The following PCDHA9 variants were observed in gnomAD, a reference collection of about 807,000 sequenced individuals.
The protein encoded by PCDHA9 is protocadherin alpha-9.
A neutral mutation model predicts 62.0 loss-of-function variants in PCDHA9; 62 were observed. The ratio of observed to expected loss-of-function variants is 1.00; its 90% CI spans 0.81 to 1.23. The LOEUF (loss-of-function observed/expected upper bound fraction) is 1.23, where lower values mean the gene tolerates loss of function less well. Among genes scored for constraint, PCDHA9 ranks in the 50% most tolerant of loss-of-function variants. PCDHA9 has a pLI of 0.00. For missense variants in PCDHA9, 1,205 were observed against 1,249.8 expected (o/e 0.96, Z 0.54); for synonymous variants, 557 against 567.6 (o/e 0.98, Z 0.27).
At chr5:140,901,982 A>G (rs1250710466) in intron 1 of PCDHA9, among the ~76,000 whole-genome samples, 2 of 151,818 alleles carry the variant, frequency 1.3e-5, no homozygotes, top group Non-Finnish European at 1.5e-5. Flanking sequence ...TTACTTTTTA[A>G]TTTCATTTTC....
chr5:140,871,692 C>T, intron 1 of PCDHA9: 1 of 997,192 alleles, frequency 1.0e-6, no homozygotes, highest in Non-Finnish European at 1.4e-6. Flanking sequence ...AATCTGGCTT[C>T]TTTAACCAAT....
intron 1 of PCDHA9, 174 bp downstream of exon 1, chr5:140,851,063 G>A (rs1192104512): frequency 7.3e-7 from 1 of 1,372,672 alleles, no homozygotes; most frequent in Non-Finnish European, 9.6e-7. Context: ...TTGACTTCTA[G>A]TGAGAATTAT....
intron 1 of PCDHA9, chr5:140,859,596 AT>A (rs1554152518): frequency 6.1e-6 from 1 of 164,060 alleles, no homozygotes; most frequent in Non-Finnish European, 1.3e-5. Flanking sequence ...GCTCTTAGCA[AT>A]TACTTTTTTC....
rs1554174004 is a variant in PCDHA9, at chr5:140,882,408, G to C, written c.2394+31519G>C. On this transcript the variant is annotated intron_variant, in intron 1 of 3. Coordinates refer to ENST00000532602, the MANE Select transcript of PCDHA9 (RefSeq NM_031857.2). Reference sequence around the variant, plus strand: ...GCAAAACACGGCACCTTCGTGGGCCGCATCGCTCAGGACCTGGGGCTGGAG... The same window carrying C: ...GCAAAACACGGCACCTTCGTGGGCCCCATCGCTCAGGACCTGGGGCTGGAG... The C allele has an allele frequency of 3.1e-6, 5 of 1,614,138 alleles. No homozygotes were observed. The highest frequency in any genetic ancestry group is 3.3e-5 in the Admixed American group (2 of 60,036).
chr5:140,985,202 G>A (rs1554246846), intron 3 of PCDHA9, among the ~76,000 whole-genome samples: 1 of 152,204 alleles, frequency 6.6e-6, no homozygotes, highest in Non-Finnish European at 1.5e-5. Flanking sequence ...CTCCCAAAGT[G>A]TTGGGATTAC....
chr5:140,951,603 T>G (rs1056623799), intron 1 of PCDHA9, among the ~76,000 whole-genome samples: 2 of 152,094 alleles, frequency 1.3e-5, no homozygotes, highest in African/African-American at 4.8e-5. Flanking sequence ...CTCACTGTTA[T>G]GAGAATAGCA....
intron 1 of PCDHA9, among the ~76,000 whole-genome samples, chr5:140,933,146 C>G (rs1554209206): frequency 1.3e-5 from 2 of 151,920 alleles, no homozygotes. Context: ...GATAGCCACT[C>G]ATTTTGTTCC....
intron 1 of PCDHA9, among the ~76,000 whole-genome samples, chr5:140,906,204 C>A (rs2072457750): frequency 6.6e-6 from 1 of 152,192 alleles, no homozygotes. Context: ...AGTTGACACT[C>A]AGTATTAACC....
rs782807362 is a variant in PCDHA9 at position 140,884,482 on chromosome 5, T to G, written c.2394+33593T>G. ...GCGCGTGCGCGCCGGGCAAGCCCACTCTAGTGTGCTCCAGCGCGGCAGGGA... is the reference window on the plus strand; with the variant it reads ...GCGCGTGCGCGCCGGGCAAGCCCACGCTAGTGTGCTCCAGCGCGGCAGGGA... On this transcript the variant is annotated intron_variant, in intron 1 of 3. Transcript: ENST00000532602. 1.6e-5 allele frequency: 26 copies of G among 1,613,830 alleles called. No homozygotes were observed. In the East Asian group the frequency reaches 4.5e-4, roughly 28 times the overall value.
chr5:140,937,442 A>AAAATATCATTTTAAAATATCATTAT (rs2091531773), intron 1 of PCDHA9, among the ~76,000 whole-genome samples: 1 of 152,160 alleles, frequency 6.6e-6, no homozygotes, highest in Non-Finnish European at 1.5e-5. Context: ...ATGCTATTTT[A>AAAATATCATTTTAAAATATCATTAT]AAAGTTTAAT....
At position 140,850,861 on chromosome 5, in the gene PCDHA9, C is replaced by T; in HGVS notation, c.2366C>T (p.Pro789Leu). 5.7e-6 allele frequency: 9 copies of T among 1,592,808 alleles called. No homozygotes were observed. Among genetic ancestry groups the T allele is most frequent in the Non-Finnish European group, 6.9e-6 (8 of 1,163,838 alleles). Residue 789 changes from proline to leucine, a missense_variant, in exon 1 of 4, where the codon CCC becomes CTC. Coordinates refer to ENST00000532602, the MANE Select transcript of PCDHA9 (RefSeq NM_031857.2). ...CAGSTERTGE[P>L]SASSDSTGKP... is the part of the protein sequence containing the mutation. ...GGATCTACAGAGCGAACGGGAGAACCCTCTGCTTCCTCAGATTCAACTGGG... is the reference window on the plus strand; with the variant it reads ...GGATCTACAGAGCGAACGGGAGAACTCTCTGCTTCCTCAGATTCAACTGGG...
Position 141,009,916 on chromosome 5 carries a change from G to T in PCDHA9, c.2832G>T (p.Thr944=). The change falls in exon 4 of 4, where the codon ACG becomes ACT. Residue 944 remains threonine, a synonymous_variant. Coordinates refer to ENST00000532602, the MANE Select transcript of PCDHA9 (RefSeq NM_031857.2). ...AGAAAAAAGAGAAAGGGAACAGCAC[G>T]ACTGACAACAGTGACCAGTGAGGTC... ...TQEKKEKGNS[T]TDNSDQ The T allele has an allele frequency of 6.2e-7, 1 of 1,611,502 alleles. No individual in the cohort carries two copies. Among genetic ancestry groups the T allele is most frequent in the South Asian group, 1.1e-5 (1 of 90,550 alleles).
intron 1 of PCDHA9, chr5:140,863,417 G>T (rs182048002): frequency 3.6e-5 from 25 of 701,046 alleles, no homozygotes; most frequent in South Asian, 3.2e-4. Flanking sequence ...CTGGTGTACC[G>T]CAGCGTAGTG....
At chr5:140,920,093 T>C (rs1289681170) in intron 1 of PCDHA9, among the ~76,000 whole-genome samples, 1 of 152,176 alleles carries the variant, frequency 6.6e-6, no homozygotes, top group African/African-American at 2.4e-5. Flanking sequence ...GTAGAGCCTC[T>C]AAAGGGAGTG....
Position 140,968,830 on chromosome 5 carries a change from C to T in PCDHA9, c.2395-10119C>T, listed in dbSNP as rs782771762. On this transcript the variant is annotated intron_variant, in intron 1 of 3. Coordinates refer to ENST00000532602, the MANE Select transcript of PCDHA9 (RefSeq NM_031857.2). The stretch of plus-strand genomic sequence containing the variant: ...TGGTGGATAGGGTTTCCAAAATCCT[C>T]CCTGACACTCAGAGGCATGTTAAGA... 48 of 1,614,080 alleles carry T rather than the reference C, an allele frequency of 3.0e-5. No homozygotes were observed. The Admixed American group carries it at 8.0e-4, about 27-fold the overall frequency.
At chr5:141,005,488 G>A (rs138290389) in intron 3 of PCDHA9, among the ~76,000 whole-genome samples, 2,990 of 151,856 alleles carry the variant, frequency 0.02, 115 homozygotes, top group African/African-American at 0.068. Flanking sequence ...CGGATCATGA[G>A]GTCAGGAGAT....
At position 140,853,803 on chromosome 5, in the gene PCDHA9, C is replaced by T. The variant is rs574954325; in HGVS notation, c.2394+2914C>T. ...GTAAGAGCAAATTTTCATTTTAAAG[C>T]ACACCTGAGATGATTCTCATACAAC... On this transcript the variant is annotated intron_variant, in intron 1 of 3. Transcript: ENST00000532602. 88 of 986,658 alleles carry T rather than the reference C, an allele frequency of 8.9e-5. 10 individuals are homozygous for T. The highest frequency in any genetic ancestry group is 1.9e-4 in the South Asian group (4 of 21,086). The allele number at this position is 986,658 out of a possible 1,614,324, so 61.1% of individuals were successfully genotyped here. A position where few individuals can be genotyped will look rare whatever the true frequency, so the allele number is the denominator to read the frequency against.
intron 1 of PCDHA9, among the ~76,000 whole-genome samples, chr5:140,956,765 C>T (rs2095308216): frequency 6.6e-6 from 1 of 152,134 alleles, no homozygotes; most frequent in Non-Finnish European, 1.5e-5. Flanking sequence ...AGCTGTAAAT[C>T]TGTCTGGTCC....
intron 1 of PCDHA9, chr5:140,862,689 C>A: frequency 7.2e-6 from 4 of 554,298 alleles, no homozygotes; most frequent in South Asian, 4.1e-5. Context: ...TGGTGTCCTA[C>A]TCGTTGATGG....
Sources: allele counts gnomAD v4.1 joint callset (sites outside exome capture counted in the v4.1 genomes callset), GRCh38; gene constraint gnomAD v4.1.1; transcripts MANE v1.5; gene names NCBI Gene and HGNC (gene_info 2026-07-23, HGNC 2026-07-21).